The following SERPINF2 variants were observed in gnomAD, a reference collection of about 807,000 sequenced individuals.
SERPINF2 encodes serpin family F member 2.
A neutral mutation model predicts 45.0 loss-of-function variants in SERPINF2; 15 were observed. The ratio of observed to expected loss-of-function variants is 0.33; its 90% CI spans 0.22 to 0.51. The LOEUF (loss-of-function observed/expected upper bound fraction) is 0.51. Among genes scored for constraint, SERPINF2 ranks in the 20% least tolerant of loss-of-function variants. The probability of loss-of-function intolerance (pLI) is 0.97; values close to 1 mark genes in which losing one functional copy is unlikely to be tolerated. For synonymous variants in SERPINF2, 283 were observed against 277.9 expected, an observed-to-expected ratio of 1.02 and a Z score of -0.18; for missense variants, 518 against 637.4, an observed-to-expected ratio of 0.81 and a Z score of 2.02.
intron 8 of SERPINF2, among the ~76,000 whole-genome samples, chr17:1,751,376 G>A (rs984641514): frequency 2.2e-5 from 2 of 92,622 alleles, no homozygotes; most frequent in South Asian, 7.4e-4. Flanking sequence ...TTGAACCCGG[G>A]TGGCAGAGGT....
At position 1,751,862 on chromosome 17, in the gene SERPINF2, G is replaced by A. The variant is rs1174413220; in HGVS notation, c.859-724G>A. ...AGGGTGGGGCGGGCAGCACTCGGCA[G>A]TGGCTCACCCACAGAACCCAGCTGT... On this transcript the variant is annotated intron_variant, in intron 8 of 9. Transcript: ENST00000453066. Among the ~76,000 whole-genome samples the A allele has an allele frequency of 6.5e-5, 9 of 138,862 alleles. 4 individuals are homozygous for A. Among genetic ancestry groups the A allele is most frequent in the Non-Finnish European group, 1.3e-4 (8 of 61,374 alleles). 91.1% of individuals were successfully genotyped at this position (138,862 alleles called of 152,430 possible). A position where few individuals can be genotyped will look rare whatever the true frequency, so the allele number is the denominator to read the frequency against.
At chr17:1,746,892 T>C in intron 5 of SERPINF2, 127 bp from the exon 6 acceptor site, 1 of 1,278,346 alleles carries the variant, frequency 7.8e-7, no homozygotes, top group East Asian at 2.5e-5. Context: ...AACAGATCCG[T>C]GGCTGTGGAA....
chr17:1,754,662 A>C lies in SERPINF2; in HGVS notation c.*128A>C. ...AGTCTGAGAGAGGCCATTCTTTCCCAACACCTCTTGGGGAGTTTAGGGTGG... is the reference window on the plus strand; with the variant it reads ...AGTCTGAGAGAGGCCATTCTTTCCCCACACCTCTTGGGGAGTTTAGGGTGG... On this transcript the variant is annotated 3_prime_UTR_variant, in exon 10 of 10. Transcript: ENST00000453066. 1.8e-6 allele frequency: 1 copy of C among 559,498 alleles called. No individual in the cohort carries two copies. Among genetic ancestry groups the C allele is most frequent in the Non-Finnish European group, 2.8e-6 (1 of 357,554 alleles). The allele number at this position is 559,498 out of a possible 1,614,324, so 34.7% of individuals were successfully genotyped here. A position where few individuals can be genotyped will look rare whatever the true frequency, so the allele number is the denominator to read the frequency against.
intron 8 of SERPINF2, among the ~76,000 whole-genome samples, chr17:1,749,393 T>A (rs1380496470): frequency 1.3e-5 from 2 of 151,272 alleles, no homozygotes; most frequent in East Asian, 3.9e-4. Flanking sequence ...AGGTCAGGAG[T>A]TCGAGACCAG....
At chr17:1,746,960 G>A in intron 5 of SERPINF2, 59 bp from the exon 6 acceptor site, 1 of 1,584,660 alleles carries the variant, frequency 6.3e-7, no homozygotes, top group Non-Finnish European at 8.5e-7. Context: ...GGACTGGAGT[G>A]GGCAGTGGGG....
At chr17:1,744,568 G>A (rs1205099756) in intron 1 of SERPINF2, 1 of 985,276 alleles carries the variant, frequency 1.0e-6, no homozygotes, top group Non-Finnish European at 1.2e-6. Flanking sequence ...AAGAGTGAGG[G>A]ACTTGTGCCA....
At chr17:1,744,682 G>T (rs1567736993) in intron 1 of SERPINF2, 23 of 985,448 alleles carry the variant, frequency 2.3e-5, no homozygotes, top group Non-Finnish European at 2.7e-5. Flanking sequence ...TCACAGCGCA[G>T]GGCCTTGTAG....
rs1427090180 is a variant in SERPINF2, at chr17:1,745,167, C to T, written c.64-8C>T. ...GGGGACCTCCTATCCTCATCCCTTT[C>T]TCCACAGTTCTCCCCTGTGAGCGCC... On this transcript the variant is annotated splice_polypyrimidine_tract_variant and splice_region_variant and intron_variant, in intron 2 of 9. Coordinates refer to ENST00000453066, the MANE Select transcript of SERPINF2 (RefSeq NM_000934.4). The surrounding 1 kb of genome is among the most constrained non-coding windows in gnomAD (Gnocchi z 6.2). The T allele has an allele frequency of 6.4e-7, 1 of 1,572,268 alleles. No individual in the cohort carries two copies. Among genetic ancestry groups the T allele is most frequent in the Admixed American group, 1.9e-5 (1 of 52,852 alleles).
At chr17:1,753,174 G>A (rs1906535748) in intron 9 of SERPINF2, among the ~76,000 whole-genome samples, 1 of 152,232 alleles carries the variant, frequency 6.6e-6, no homozygotes, top group Admixed American at 6.5e-5. Flanking sequence ...GGAAGCTGAA[G>A]TGGGTGGATT....
intron 8 of SERPINF2, among the ~76,000 whole-genome samples, chr17:1,749,101 G>A (rs528311766): frequency 7.9e-5 from 12 of 152,336 alleles, no homozygotes; most frequent in South Asian, 4.1e-4. Context: ...AATTCCAGAC[G>A]CTGGGAAGCG....
At chr17:1,752,532 C>A in intron 8 of SERPINF2, 54 bp from the exon 9 acceptor site, 1 of 1,557,526 alleles carries the variant, frequency 6.4e-7, no homozygotes, top group Non-Finnish European at 8.9e-7. Context: ...GGCCCCACCC[C>A]CACTTAGCTT....
intron 9 of SERPINF2, 74 bp from the exon 10 acceptor site, chr17:1,754,048 A>G: frequency 6.4e-7 from 1 of 1,558,334 alleles, no homozygotes; most frequent in Non-Finnish European, 8.7e-7. Flanking sequence ...AGGATCTCAG[A>G]CACCCTCCCA....
intron 7 of SERPINF2, among the ~76,000 whole-genome samples, 162 bp from the exon 8 acceptor site, chr17:1,748,436 G>A (rs915359592): frequency 6.6e-6 from 1 of 152,176 alleles, no homozygotes; most frequent in Admixed American, 6.5e-5. Context: ...CATTCCCTGG[G>A]GTCTTGGCCT....
chr17:1,747,261 G>A (rs777787038), intron 6 of SERPINF2, 48 bp from the exon 7 acceptor site: 4 of 1,611,224 alleles, frequency 2.5e-6, no homozygotes, highest in Admixed American at 3.4e-5. Context: ...GGCGTGTCTG[G>A]CTGTGGAGCC....
At chr17:1,743,400 GCAAGACCTGAC>G (rs1200698441) in intron 1 of SERPINF2, among the ~76,000 whole-genome samples, 1 of 152,180 alleles carries the variant, frequency 6.6e-6, no homozygotes, top group East Asian at 1.9e-4. Context: ...AGCCTTGTGG[GCAAGACCTGAC>G]CAGCCTGAGA....
At chr17:1,744,952 G>A in intron 1 of SERPINF2, 40 bp from the exon 2 acceptor site, 1 of 1,613,004 alleles carries the variant, frequency 6.2e-7, no homozygotes, top group South Asian at 1.1e-5. Context: ...GCGGGCGTGG[G>A]GATGTGAGAT....
Position 1,749,977 on chromosome 17 carries a change from C to CT in SERPINF2, c.858+1251dup, listed in dbSNP as rs57705772. ...TGGAACATTCTGATTGGATAAACTT[C>CT]TTTTTTTTTTTTTTGAGACAGAGTC... On this transcript the variant is annotated intron_variant, in intron 8 of 9. Transcript: ENST00000453066. 6.5e-3 allele frequency among the ~76,000 whole-genome samples: 939 copies of CT among 144,618 alleles called. 9 individuals carry two copies. Among genetic ancestry groups the CT allele is most frequent in the African/African-American group, 0.011 (419 of 39,376 alleles). 94.9% of individuals were successfully genotyped at this position (144,618 alleles called of 152,430 possible).
At position 1,745,593 on chromosome 17, in the gene SERPINF2, C is replaced by T. The variant is rs1288181936; in HGVS notation, c.166-115C>T. ...GCCCTCCGTCTGACGCTCCCTCTTC[C>T]CTGGGGCTGGGACAAGGCCCTGCTG... On this transcript the variant is annotated intron_variant, in intron 4 of 9. Transcript: ENST00000453066. This position sits in a 1 kb window ranked among gnomAD's most constrained non-coding sequence, Gnocchi z 6.2. The T allele has an allele frequency of 1.6e-6, 2 of 1,261,744 alleles. No individual in the cohort carries two copies. The highest frequency in any genetic ancestry group is 3.8e-5 in the Admixed American group (2 of 53,152). The allele number at this position is 1,261,744 out of a possible 1,614,324, so 78.2% of individuals were successfully genotyped here.
At chr17:1,749,107 A>G (rs551646232) in intron 8 of SERPINF2, among the ~76,000 whole-genome samples, 1 of 152,300 alleles carries the variant, frequency 6.6e-6, no homozygotes, top group Non-Finnish European at 1.5e-5. Context: ...AGACGCTGGG[A>G]AGCGCTGTGG....
Sources: gnomAD v4.1 joint callset for allele counts (sites outside exome capture counted in the v4.1 genomes callset) on GRCh38, gnomAD v4.1.1 for gene constraint, Gnocchi (gnomAD v3.1) non-coding constraint, MANE v1.5 for transcripts, NCBI Gene and HGNC (gene_info 2026-07-23, HGNC 2026-07-21) for gene names.